The following BST1 variants were observed in gnomAD, a reference collection of about 807,000 sequenced individuals.
The protein encoded by BST1 is ADP-ribosyl cyclase/cyclic ADP-ribose hydrolase 2.
In BST1, 49 loss-of-function variants were observed where a neutral mutation model predicts 40.6. The observed-to-expected ratio is 1.21, with a 90% CI of 0.96 to 1.53. BST1 has a LOEUF of 1.53. Among genes scored for constraint, BST1 ranks in the 40% most tolerant of loss-of-function variants. The pLI is 0.00. For synonymous variants in BST1, 157 were observed against 159.3 expected (o/e 0.99, Z 0.11); for missense variants, 423 against 395.9 (o/e 1.07, Z -0.58).
At chr4:15,741,304 C>G (rs1284569958), downstream of BST1, among the ~76,000 whole-genome samples, 1 of 152,000 alleles carries the variant, frequency 6.6e-6, no homozygotes, top group Non-Finnish European at 1.5e-5. Flanking sequence ...GTAACCTTGT[C>G]CAGGAGTAAA....
intron 1 of BST1, among the ~76,000 whole-genome samples, chr4:15,703,607 TGTGC>T (rs1719674337): frequency 2.2e-5 from 3 of 136,744 alleles, no homozygotes; most frequent in African/African-American, 2.8e-5. Context: ...GTGAGGGGTG[TGTGC>T]GTGTGTTCTA....
chr4:15,742,628 G>A (rs1324754607), downstream of BST1, among the ~76,000 whole-genome samples: 1 of 152,240 alleles, frequency 6.6e-6, no homozygotes, highest in African/African-American at 2.4e-5. Context: ...TTTAGAAGCA[G>A]ACCTGTGACA....
chr4:15,705,426 T>C (rs1479765859), intron 1 of BST1, 89 bp from the exon 2 acceptor site: 1 of 1,426,674 alleles, frequency 7.0e-7, no homozygotes, highest in Non-Finnish European at 9.4e-7. Flanking sequence ...ATGAAAAATC[T>C]CTTGTAAAGC....
In BST1 at chr4:15,720,777, C is replaced by T. The variant is rs188003464; in HGVS notation, c.791+1784C>T. The stretch of plus-strand genomic sequence containing the variant: ...CTGCACTCTAGCCTGGGTGACAGAG[C>T]AGGACCTGGTCTCAAAATAAAACAA... On this transcript the variant is annotated intron_variant, in intron 7 of 8. Transcript: ENST00000265016. 4.0e-3 allele frequency among the ~76,000 whole-genome samples: 605 copies of T among 152,148 alleles called. 11 individuals carry two copies. The highest frequency in any genetic ancestry group is 0.014 in the African/African-American group (571 of 41,514).
chr4:15,715,303 G>T lies in BST1; in HGVS notation c.553G>T (p.Gly185Trp). ...CTCGTAGTATTCCAAGGATAGTTCT[G>T]GGGTGATCCACGTCATGCTGAATGG... ...ASIQYSKDSS[G>W]VIHVMLNGSE... Residue 185 changes from glycine to tryptophan, a missense_variant, in exon 5 of 9, where the codon GGG (glycine) becomes TGG (tryptophan). Transcript: ENST00000265016. 6.2e-7 allele frequency: 1 copy of T among 1,614,032 alleles called. No homozygotes were observed. Among genetic ancestry groups the T allele is most frequent in the South Asian group, 1.1e-5 (1 of 91,072 alleles).
downstream of BST1, among the ~76,000 whole-genome samples, chr4:15,738,481 A>T (rs1356944334): frequency 6.6e-6 from 1 of 152,228 alleles, no homozygotes; most frequent in Admixed American, 6.5e-5. Context: ...GGAGTCTATG[A>T]TGTTGGTCAG....
chr4:15,727,290 C>T (rs545555529), intron 8 of BST1, among the ~76,000 whole-genome samples: 1 of 152,318 alleles, frequency 6.6e-6, no homozygotes, highest in East Asian at 1.9e-4. Context: ...AGTTCCTGAC[C>T]TGTTCTTCCC....
At chr4:15,751,423 G>T in the BST1 span, among the ~76,000 whole-genome samples, 4 of 152,144 alleles carry the variant, frequency 2.6e-5, no homozygotes, top group African/African-American at 9.7e-5. Context: ...GATCAGGGAG[G>T]TGGTACCATG....
chr4:15,717,283 C>G (rs576547279), intron 6 of BST1, among the ~76,000 whole-genome samples: 9 of 152,160 alleles, frequency 5.9e-5, no homozygotes, highest in Non-Finnish European at 1.3e-4. Flanking sequence ...AATTCCACTT[C>G]TGTAAAAATT....
chr4:15,715,788 G>A lies in BST1; in HGVS notation c.693G>A (p.Gly231=), dbSNP rs745448317. Residue 231 remains glycine, a synonymous_variant, in exon 6 of 9, where the codon GGG becomes GGA. Coordinates refer to ENST00000265016, the MANE Select transcript of BST1 (RefSeq NM_004334.3). ...RIEIWVMHEI[G]GPNVESCGEG... ...AGATCTGGGTTATGCATGAAATTGG[G>A]GGACCCAATGTGTAAGTTATGGTGA... The A allele has an allele frequency of 6.3e-7, 1 of 1,585,004 alleles. No homozygotes were observed.
intron 4 of BST1, among the ~76,000 whole-genome samples, chr4:15,713,829 G>A (rs188831694): frequency 2.2e-4 from 34 of 151,700 alleles, no homozygotes; most frequent in South Asian, 6.3e-4. Context: ...TCAGCCTCCC[G>A]AGTAGCTGGG....
At chr4:15,764,020 A>G in the BST1 span, among the ~76,000 whole-genome samples, 1 of 152,086 alleles carries the variant, frequency 6.6e-6, no homozygotes, top group Non-Finnish European at 1.5e-5. Flanking sequence ...AATGTACAAT[A>G]TCAAGAGTGA....
rs1721398015 is a variant in BST1, at chr4:15,732,055, A to G, written c.*210A>G. On this transcript the variant is annotated 3_prime_UTR_variant, in exon 9 of 9. Coordinates refer to ENST00000265016, the MANE Select transcript of BST1 (RefSeq NM_004334.3). ...TATTTAGCAGGTTAAAAAATGCTGC[A>G]TTAGAATTAAAGCAAGTTATTTTCT... is the stretch of plus-strand genomic sequence containing the variant. 2 of 1,261,024 alleles carry G rather than the reference A, an allele frequency of 1.6e-6. No homozygotes were observed. The highest frequency in any genetic ancestry group is 2.7e-5 in the South Asian group (1 of 37,012). 78.1% of individuals were successfully genotyped at this position (1,261,024 alleles called of 1,614,324 possible). A position where few individuals can be genotyped will look rare whatever the true frequency, so the allele number is the denominator to read the frequency against.
chr4:15,732,299 A>G lies in BST1; in HGVS notation c.*454A>G, dbSNP rs145966260. ...AGTTTTCATTTTTCATTTATTTGGTATAAAGATGTTCAGTTAATGGTTCCT... is the reference window on the plus strand; with the variant it reads ...AGTTTTCATTTTTCATTTATTTGGTGTAAAGATGTTCAGTTAATGGTTCCT... On this transcript the variant is annotated 3_prime_UTR_variant, in exon 9 of 9. Transcript: ENST00000265016. The G allele has an allele frequency of 2.1e-3, 451 of 218,804 alleles. 1 individual carries two copies. The highest frequency in any genetic ancestry group is 9.9e-3 in the African/African-American group (421 of 42,728). 13.6% of individuals were successfully genotyped at this position (218,804 alleles called of 1,614,324 possible).
the BST1 span, among the ~76,000 whole-genome samples, chr4:15,758,138 A>AT: frequency 1.4e-4 from 21 of 151,760 alleles, no homozygotes; most frequent in African/African-American, 3.9e-4. Flanking sequence ...AATATTTAGC[A>AT]TTTTTTTTCA....
chr4:15,712,247 T>C (rs1402932222), intron 4 of BST1, among the ~76,000 whole-genome samples: 1 of 152,180 alleles, frequency 6.6e-6, no homozygotes, highest in African/African-American at 2.4e-5. Context: ...GACCCTAGGA[T>C]GCTGGAGATC....
chr4:15,735,586 G>A (rs1242539285), downstream of BST1, among the ~76,000 whole-genome samples: 6 of 152,182 alleles, frequency 3.9e-5, no homozygotes, highest in Non-Finnish European at 8.8e-5. Context: ...GAGGGAAGAT[G>A]ACAAGCAGCA....
At chr4:15,749,559 A>G in the BST1 span, among the ~76,000 whole-genome samples, 2 of 152,226 alleles carry the variant, frequency 1.3e-5, no homozygotes, top group African/African-American at 2.4e-5. Context: ...CAAAGCAAAG[A>G]ATAGCTCTGG....
chr4:15,753,077 T>A, the BST1 span, among the ~76,000 whole-genome samples: 2 of 151,162 alleles, frequency 1.3e-5, no homozygotes, highest in Non-Finnish European at 1.5e-5. Context: ...TATAAATCAC[T>A]AAAAAATATT....
Sources: allele counts gnomAD v4.1 joint callset (sites outside exome capture counted in the v4.1 genomes callset), GRCh38; gene constraint gnomAD v4.1.1; transcripts MANE v1.5; gene names NCBI Gene and HGNC (gene_info 2026-07-23, HGNC 2026-07-21).